Variants in THSD7B observed in about 807,000 individuals in gnomAD.
THSD7B encodes the protein thrombospondin type-1 domain-containing protein 7B.
In THSD7B, 138 loss-of-function variants were observed where a neutral mutation model predicts 213.6. The ratio of observed to expected loss-of-function variants is 0.65; its 90% confidence interval spans 0.56 to 0.74. THSD7B has a LOEUF of 0.74. Ranked by LOEUF, THSD7B falls within the 30% of genes least tolerant of loss-of-function variation. The pLI, the probability that THSD7B is intolerant of heterozygous loss-of-function variation, is 0.00. For synonymous variants in THSD7B, 742 were observed against 687.0 expected (o/e 1.08, Z -1.25); for missense variants, 1,931 against 1,991.5 (o/e 0.97, Z 0.58).
chr2:137,483,586 T>G (rs1287970819), intron 15 of THSD7B, among the ~76,000 whole-genome samples: 1 of 152,180 alleles, frequency 6.6e-6, no homozygotes, highest in Non-Finnish European at 1.5e-5. Context: ...TTTATTTTAT[T>G]TTATTTTATT....
intron 12 of THSD7B, among the ~76,000 whole-genome samples, chr2:137,297,896 G>T (rs183312736): frequency 2.0e-5 from 3 of 152,206 alleles, no homozygotes; most frequent in Admixed American, 2.0e-4. Context: ...TTTGTAAATT[G>T]CCCAGTCTTG....
chr2:137,078,814 T>C (rs558132551), intron 3 of THSD7B, among the ~76,000 whole-genome samples: 6 of 152,288 alleles, frequency 3.9e-5, no homozygotes, highest in Admixed American at 6.5e-5. Flanking sequence ...TACTTTTTTT[T>C]CCCAAAAATT....
At chr2:137,652,021 A>G (rs989403916) in intron 21 of THSD7B, among the ~76,000 whole-genome samples, 1 of 152,120 alleles carries the variant, frequency 6.6e-6, no homozygotes, top group Admixed American at 6.5e-5. Context: ...AAGAATGTAT[A>G]TTCTACAACA....
intron 3 of THSD7B, among the ~76,000 whole-genome samples, chr2:137,070,804 CA>C (rs1253158576): frequency 6.6e-6 from 1 of 151,834 alleles, no homozygotes; most frequent in African/African-American, 2.4e-5. Context: ...TGCGTGAGAA[CA>C]TGCGGTGTTT....
intron 17 of THSD7B, among the ~76,000 whole-genome samples, chr2:137,593,744 GT>G (rs1201444361): frequency 6.6e-6 from 1 of 151,714 alleles, no homozygotes; most frequent in East Asian, 1.9e-4. Flanking sequence ...TTATCACAAT[GT>G]TTTTTTGTGT....
chr2:136,998,199 A>T (rs1031005962), intron 2 of THSD7B, among the ~76,000 whole-genome samples: 1 of 147,828 alleles, frequency 6.8e-6, no homozygotes, highest in Admixed American at 7.0e-5. Flanking sequence ...CCTATAATTT[A>T]TCCTTAAAAG....
At chr2:136,858,727 A>G (rs931580395) in intron 1 of THSD7B, among the ~76,000 whole-genome samples, 4 of 152,172 alleles carry the variant, frequency 2.6e-5, no homozygotes, top group Admixed American at 1.3e-4. Flanking sequence ...TTTCCAGGTG[A>G]TCAGGTACTC....
At chr2:136,897,865 G>A (rs997617853) in intron 2 of THSD7B, among the ~76,000 whole-genome samples, 2 of 151,852 alleles carry the variant, frequency 1.3e-5, no homozygotes, top group Admixed American at 6.6e-5. Flanking sequence ...ACAGAGTGCT[G>A]ATTGGTGCGT....
chr2:136,810,360 C>T (rs1269471193), intron 1 of THSD7B, among the ~76,000 whole-genome samples: 1 of 152,196 alleles, frequency 6.6e-6, no homozygotes, highest in African/African-American at 2.4e-5. Context: ...GTGAAACTTC[C>T]TTTAAAATGT....
At chr2:137,238,613 G>A (rs569759888) in intron 9 of THSD7B, among the ~76,000 whole-genome samples, 1 of 132,436 alleles carries the variant, frequency 7.6e-6, no homozygotes, top group Admixed American at 8.6e-5. Context: ...GACTGCAGTG[G>A]CGCAATCTCG....
In THSD7B at chr2:137,559,775, G is replaced by A. The variant is rs551703842; in HGVS notation, c.3139-3446G>A. Among the ~76,000 whole-genome samples the A allele has an allele frequency of 2.0e-5, 3 of 152,200 alleles. No homozygotes were observed. The South Asian group carries it at 6.2e-4, about 32-fold the overall frequency. On this transcript the variant is annotated intron_variant, in intron 15 of 27. Coordinates refer to ENST00000409968, the MANE Select transcript of THSD7B (RefSeq NM_001316349.2). The stretch of plus-strand genomic sequence containing the variant: ...AAGAAACTACCATCCAATTGAACAG[G>A]CAACCTACAGAATGGGAGAAAATTT...
In THSD7B at chr2:137,334,833, C is replaced by G. The variant is rs1218767036; in HGVS notation, c.2500+58807C>G. Among the ~76,000 whole-genome samples, 3 of 152,138 alleles carry G rather than the reference C, an allele frequency of 2.0e-5. 1 individual carries two copies. The highest frequency in any genetic ancestry group is 4.4e-5 in the Non-Finnish European group (3 of 68,024). On this transcript the variant is annotated intron_variant, in intron 12 of 27. Coordinates refer to ENST00000409968, the MANE Select transcript of THSD7B (RefSeq NM_001316349.2). ...TAATCCCCAAGTGTCAAGGGTGGGA[C>G]CAGGTGGGAGTGAAAGTAATTGTCT...
At chr2:136,806,385 C>T (rs1274993798) in intron 1 of THSD7B, among the ~76,000 whole-genome samples, 2 of 152,188 alleles carry the variant, frequency 1.3e-5, no homozygotes, top group African/African-American at 4.8e-5. Flanking sequence ...GAAAAACACT[C>T]AGCTCCTCAG....
At chr2:136,808,926 G>C (rs1682331156) in intron 1 of THSD7B, among the ~76,000 whole-genome samples, 2 of 152,104 alleles carry the variant, frequency 1.3e-5, no homozygotes, top group Non-Finnish European at 2.9e-5. Flanking sequence ...CCTTGCACAA[G>C]TTTGGATACT....
At chr2:137,339,972 G>T (rs1433420558) in intron 12 of THSD7B, among the ~76,000 whole-genome samples, 2 of 150,474 alleles carry the variant, frequency 1.3e-5, no homozygotes, top group Admixed American at 6.6e-5. Flanking sequence ...TCCCAGTTTT[G>T]TCTGGTGCGA....
At chr2:137,372,074 G>C (rs1320918577) in intron 12 of THSD7B, among the ~76,000 whole-genome samples, 1 of 152,072 alleles carries the variant, frequency 6.6e-6, no homozygotes, top group Non-Finnish European at 1.5e-5. Context: ...AGAGTGAAGT[G>C]GTCTGGCTGG....
At chr2:137,393,393 G>A (rs931716581) in intron 12 of THSD7B, among the ~76,000 whole-genome samples, 3 of 148,834 alleles carry the variant, frequency 2.0e-5, no homozygotes, top group Non-Finnish European at 3.0e-5. Flanking sequence ...TCCCACCTAT[G>A]AGTGAGAATG....
At chr2:137,118,889 G>A (rs925183395) in intron 5 of THSD7B, among the ~76,000 whole-genome samples, 6 of 152,120 alleles carry the variant, frequency 3.9e-5, no homozygotes, top group African/African-American at 1.4e-4. Flanking sequence ...CATGTTTTAC[G>A]TGGCAGCAGA....
intron 1 of THSD7B, among the ~76,000 whole-genome samples, chr2:136,796,314 C>A (rs1682063045): frequency 6.6e-6 from 1 of 151,926 alleles, no homozygotes; most frequent in African/African-American, 2.4e-5. Context: ...GAAATGGCAT[C>A]CACTGGTCTT....
Sources: gnomAD v4.1 joint callset for allele counts (sites outside exome capture counted in the v4.1 genomes callset) on GRCh38, gnomAD v4.1.1 for gene constraint, MANE v1.5 for transcripts, NCBI Gene and HGNC (gene_info 2026-07-23, HGNC 2026-07-21) for gene names.